Variants in RBFOX1 observed in about 807,000 individuals in gnomAD.
The protein encoded by RBFOX1 is RNA binding protein fox-1 homolog 1.
Under a neutral mutation model 57.7 loss-of-function variants are expected in RBFOX1, and 8 were observed. The observed-to-expected ratio is 0.14, with a 90% CI of 0.08 to 0.25. The LOEUF is 0.25. Ranked by LOEUF, RBFOX1 falls within the 10% of genes least tolerant of loss-of-function variation. RBFOX1 has a pLI of 1.00. For missense variants in RBFOX1, 611 were observed against 548.5 expected, an observed-to-expected ratio of 1.11 and a Z score of -1.14; for synonymous variants, 326 against 222.4, an observed-to-expected ratio of 1.47 and a Z score of -4.15.
intron 4 of RBFOX1, among the ~76,000 whole-genome samples, chr16:7,066,662 T>A (rs1419840663): frequency 6.6e-6 from 1 of 152,222 alleles, no homozygotes; most frequent in African/African-American, 2.4e-5. Flanking sequence ...GCAGCAATTA[T>A]AGAAATCTAT....
At chr16:5,423,869 G>C (rs1376231889) in intron 1 of RBFOX1, among the ~76,000 whole-genome samples, 1 of 152,130 alleles carries the variant, frequency 6.6e-6, no homozygotes, top group African/African-American at 2.4e-5. Context: ...TTGAGGCCAG[G>C]CATTGCCTTT....
intron 1 of RBFOX1, among the ~76,000 whole-genome samples, chr16:6,292,856 C>T (rs2077613831): frequency 6.6e-6 from 1 of 152,174 alleles, no homozygotes; most frequent in South Asian, 2.1e-4. Context: ...CCGTTTTCTA[C>T]TTCTTACAAA....
chr16:5,974,163 G>C (rs1033268770), intron 4 of RBFOX1, among the ~76,000 whole-genome samples: 4 of 152,114 alleles, frequency 2.6e-5, no homozygotes, highest in Admixed American at 1.3e-4. Context: ...GTTCTACCTC[G>C]GATGCACAGC....
intron 4 of RBFOX1, among the ~76,000 whole-genome samples, chr16:7,265,972 T>TG (rs2095119757): frequency 7.4e-6 from 1 of 135,116 alleles, no homozygotes; most frequent in African/African-American, 2.9e-5. Context: ...TTGTTTTTTT[T>TG]TTTTTTTTTT....
intron 2 of RBFOX1, among the ~76,000 whole-genome samples, chr16:5,500,414 A>G (rs991549317): frequency 2.5e-4 from 38 of 151,918 alleles, no homozygotes; most frequent in African/African-American, 9.2e-4. Flanking sequence ...GTAGAGATGA[A>G]GTCTCCTTAT....
At chr16:6,835,039 C>T (rs915584373) in intron 3 of RBFOX1, among the ~76,000 whole-genome samples, 1 of 151,884 alleles carries the variant, frequency 6.6e-6, no homozygotes, top group Non-Finnish European at 1.5e-5. Flanking sequence ...ACTGTAGGCG[C>T]CCAACACCAT....
chr16:6,516,532 A>C (rs1386188682), intron 2 of RBFOX1, among the ~76,000 whole-genome samples: 1 of 152,208 alleles, frequency 6.6e-6, no homozygotes, highest in Non-Finnish European at 1.5e-5. Flanking sequence ...CTCAAACATA[A>C]GGCTTGTTAA....
chr16:6,837,827 A>C (rs2093208119), intron 3 of RBFOX1, among the ~76,000 whole-genome samples: 1 of 151,948 alleles, frequency 6.6e-6, no homozygotes, highest in Non-Finnish European at 1.5e-5. Context: ...AGCACTTGGG[A>C]CTCCACTTCA....
intron 3 of RBFOX1, among the ~76,000 whole-genome samples, chr16:5,624,510 T>C (rs921904602): frequency 1.3e-5 from 2 of 152,186 alleles, no homozygotes; most frequent in African/African-American, 4.8e-5. Context: ...CAGAGACTTT[T>C]AAAGCTCGTA....
rs141588319 is a variant in RBFOX1 at position 7,272,309 on chromosome 16, C to T, written c.27+220211C>T. ...AAGTGATTGTCCTGCCTCGGCCTCC[C>T]AAGTAGCTGGGATTACAGGCGCCCA... On this transcript the variant is annotated intron_variant, in intron 4 of 15. Transcript: ENST00000550418. 5.9e-5 allele frequency among the ~76,000 whole-genome samples: 9 copies of T among 151,420 alleles called. No individual in the cohort carries two copies. In the East Asian group the frequency reaches 1.4e-3, roughly 23 times the overall value.
At chr16:7,413,418 C>A (rs2098448622) in intron 4 of RBFOX1, among the ~76,000 whole-genome samples, 1 of 152,090 alleles carries the variant, frequency 6.6e-6, no homozygotes, top group South Asian at 2.1e-4. Context: ...CCCAGAGTTC[C>A]TGATTCACTG....
intron 1 of RBFOX1, among the ~76,000 whole-genome samples, chr16:5,412,172 C>T (rs2067039405): frequency 6.6e-6 from 1 of 151,946 alleles, no homozygotes; most frequent in African/African-American, 2.4e-5. Flanking sequence ...CCACACAGAC[C>T]TGGGTTTGAA....
At chr16:7,168,446 G>A (rs1053198998) in intron 4 of RBFOX1, among the ~76,000 whole-genome samples, 4 of 152,152 alleles carry the variant, frequency 2.6e-5, no homozygotes, top group Non-Finnish European at 4.4e-5. Context: ...ATGTGAATTC[G>A]TGAACCTCAT....
intron 1 of RBFOX1, among the ~76,000 whole-genome samples, chr16:6,178,055 A>G (rs1017635499): frequency 6.6e-6 from 1 of 150,564 alleles, no homozygotes; most frequent in East Asian, 2.0e-4. Flanking sequence ...TCAGGATTTT[A>G]TTTTTCCCTA....
At chr16:7,471,938 C>T (rs373610273) in intron 4 of RBFOX1, among the ~76,000 whole-genome samples, 23 of 152,070 alleles carry the variant, frequency 1.5e-4, no homozygotes, top group East Asian at 3.9e-4. Context: ...CCGTTCAACA[C>T]GGGCTGAAGA....
At chr16:5,425,816 G>C (rs2067541971) in intron 1 of RBFOX1, among the ~76,000 whole-genome samples, 1 of 152,140 alleles carries the variant, frequency 6.6e-6, no homozygotes, top group Admixed American at 6.5e-5. Flanking sequence ...AGCTGGGCTT[G>C]GCGAGAGTTG....
At chr16:5,432,559 G>GTTTTTTTTTT (rs35344614) in intron 1 of RBFOX1, among the ~76,000 whole-genome samples, 1 of 94,222 alleles carries the variant, frequency 1.1e-5, no homozygotes, top group African/African-American at 4.0e-5. Context: ...TTGTTTGTTT[G>GTTTTTTTTTT]TTTTTTTTTT....
intron 14 of RBFOX1, among the ~76,000 whole-genome samples, chr16:7,686,647 G>A (rs1475868135): frequency 6.6e-6 from 1 of 152,038 alleles, no homozygotes; most frequent in South Asian, 2.1e-4. Context: ...TGCACAAAAG[G>A]TCTGGGAAGG....
chr16:5,556,569 T>A (rs868847532), intron 2 of RBFOX1, among the ~76,000 whole-genome samples: 3 of 152,222 alleles, frequency 2.0e-5, no homozygotes, highest in African/African-American at 7.2e-5. Context: ...GCCTGAAGTT[T>A]GAGGGGAGAT....
Sources: allele counts gnomAD v4.1 joint callset (sites outside exome capture counted in the v4.1 genomes callset), GRCh38; gene constraint gnomAD v4.1.1; transcripts MANE v1.5; gene names NCBI Gene and HGNC (gene_info 2026-07-23, HGNC 2026-07-21).